Variants in TSPAN16 observed in about 807,000 individuals in gnomAD.
The protein encoded by TSPAN16 is tetraspanin-16.
TSPAN16 carries 23 observed loss-of-function variants against 25.2 expected under a neutral mutation model. The observed-to-expected ratio is 0.91, with a 90% CI of 0.66 to 1.29. The LOEUF (loss-of-function observed/expected upper bound fraction) is 1.29. TSPAN16 is among the 50% of genes most tolerant of loss of function. The probability of loss-of-function intolerance (pLI) is 0.00; values close to 1 mark genes in which losing one functional copy is unlikely to be tolerated. For missense variants in TSPAN16, 272 were observed against 299.9 expected, an observed-to-expected ratio of 0.91 and a Z score of 0.69; for synonymous variants, 123 against 124.4, an observed-to-expected ratio of 0.99 and a Z score of 0.08.
At chr19:11,322,977 TG>T (rs1184426848) in intron 6 of TSPAN16, 1 of 152,136 alleles carries the variant, frequency 6.6e-6, no homozygotes, top group Non-Finnish European at 1.5e-5. Context: ...ATGGGCGTGG[TG>T]GCAGGTGCCT....
At chr19:11,297,482 A>ATTATTTTACT (rs2080491077) in intron 1 of TSPAN16, among the ~76,000 whole-genome samples, 1 of 146,944 alleles carries the variant, frequency 6.8e-6, no homozygotes, top group African/African-American at 2.6e-5. Flanking sequence ...GTCCTATGAC[A>ATTATTTTACT]TTATTTTATT....
At chr19:11,298,020 C>G (rs2080498254) in intron 1 of TSPAN16, 122 bp from the exon 2 acceptor site, 1 of 975,616 alleles carries the variant, frequency 1.0e-6, no homozygotes, top group African/African-American at 1.6e-5. Context: ...CTCCTGGGCT[C>G]AAGTCTTGGC....
At chr19:11,325,879 G>A (rs1344265204) in intron 6 of TSPAN16, among the ~76,000 whole-genome samples, 1 of 152,148 alleles carries the variant, frequency 6.6e-6, no homozygotes, top group Non-Finnish European at 1.5e-5. Context: ...TTCAAGACCA[G>A]CCTGGGCAAC....
intron 6 of TSPAN16, chr19:11,325,488 G>C (rs894231567): frequency 1.9e-6 from 3 of 1,613,220 alleles, no homozygotes; most frequent in African/African-American, 2.7e-5. Flanking sequence ...TGGGTTCCAG[G>C]GACTCGTTCA....
intron 6 of TSPAN16, among the ~76,000 whole-genome samples, chr19:11,321,636 G>A (rs947901450): frequency 1.2e-4 from 19 of 152,272 alleles, no homozygotes; most frequent in South Asian, 4.2e-4. Flanking sequence ...CAGAGTGGCC[G>A]GAGGGGAGCA....
intron 4 of TSPAN16, among the ~76,000 whole-genome samples, chr19:11,302,785 C>G (rs1162590826): frequency 1.3e-5 from 2 of 150,908 alleles, no homozygotes. Context: ...GTAAGGGGAT[C>G]ATGGCTCACT....
At chr19:11,302,640 TAC>T (rs2080568020) in intron 4 of TSPAN16, among the ~76,000 whole-genome samples, 4 of 131,602 alleles carry the variant, frequency 3.0e-5, no homozygotes, top group African/African-American at 1.3e-4. Context: ...TATACACACA[TAC>T]ATATATATAT....
At chr19:11,304,106 C>T (rs1243858204) in intron 4 of TSPAN16, among the ~76,000 whole-genome samples, 6 of 151,624 alleles carry the variant, frequency 4.0e-5, no homozygotes, top group Non-Finnish European at 5.9e-5. Flanking sequence ...TTGATCATTG[C>T]CATCCTAATG....
downstream of TSPAN16, chr19:11,316,086 G>GTGTGTGT: frequency 7.8e-6 from 2 of 256,318 alleles, no homozygotes; most frequent in Non-Finnish European, 1.2e-5. Context: ...AATTATTCTT[G>GTGTGTGT]GTGTGTGTGT....
At chr19:11,326,778 A>AT (rs1260298132) in intron 6 of TSPAN16, 12 of 694,334 alleles carry the variant, frequency 1.7e-5, no homozygotes, top group Admixed American at 4.1e-5. Context: ...TAATTTTTCA[A>AT]TTTTTTCTTT....
At position 11,298,131 on chromosome 19, in the gene TSPAN16, C is replaced by T; in HGVS notation, c.70-11C>T. ...GATTACTTTTCTTCCTTTCTGGTTT[C>T]TGTTCTAAAGGTGTCTGGCATCATC... On this transcript the variant is annotated splice_polypyrimidine_tract_variant and intron_variant, in intron 1 of 6. Coordinates refer to ENST00000590327, the MANE Select transcript of TSPAN16 (RefSeq NM_001282509.2). The T allele has an allele frequency of 6.2e-7, 1 of 1,613,682 alleles. No individual in the cohort carries two copies. The highest frequency in any genetic ancestry group is 8.5e-7 in the Non-Finnish European group (1 of 1,179,630).
chr19:11,299,757 C>T (rs1029074065), intron 3 of TSPAN16, among the ~76,000 whole-genome samples: 5 of 151,938 alleles, frequency 3.3e-5, no homozygotes, highest in Non-Finnish European at 7.4e-5. Flanking sequence ...GGTGGATCAC[C>T]TGAGGTCAGG....
chr19:11,315,072 C>T (rs2080731779), intron 6 of TSPAN16, among the ~76,000 whole-genome samples: 1 of 150,984 alleles, frequency 6.6e-6, no homozygotes, highest in South Asian at 2.1e-4. Flanking sequence ...CCCATCTCTA[C>T]TAAAAATACA....
intron 4 of TSPAN16, 168 bp from the exon 5 acceptor site, chr19:11,306,436 A>T: frequency 3.9e-6 from 3 of 770,996 alleles, no homozygotes; most frequent in Non-Finnish European, 5.9e-6. Context: ...CCTGAGTGAG[A>T]TGGGAGCCAG....
intron 3 of TSPAN16, among the ~76,000 whole-genome samples, chr19:11,300,117 C>T (rs922296802): frequency 3.9e-5 from 6 of 152,086 alleles, no homozygotes; most frequent in African/African-American, 7.2e-5. Flanking sequence ...GGGAAGGAGG[C>T]GGCTCTCTGG....
chr19:11,308,359 C>T (rs1239524644), intron 5 of TSPAN16, among the ~76,000 whole-genome samples: 14 of 152,104 alleles, frequency 9.2e-5, no homozygotes, highest in African/African-American at 1.9e-4. Flanking sequence ...AGTGCAGTGG[C>T]GCAATCTCGA....
chr19:11,319,288 C>T (rs1365657093), downstream of TSPAN16, among the ~76,000 whole-genome samples: 3 of 152,206 alleles, frequency 2.0e-5, no homozygotes, highest in Non-Finnish European at 4.4e-5. Context: ...TTACTTACTA[C>T]TCCTGATTTA....
chr19:11,298,251 T>C lies in TSPAN16; in HGVS notation c.179T>C (p.Leu60Pro), dbSNP rs1393964347. Reference protein sequence around the residue: ...SSAYLLHVGNLCLVMGCITVL... With the variant: ...SSAYLLHVGNPCLVMGCITVL... ...GCATACCTCCTTCACGTTGGCAACC[T>C]GTGCCTGGTGATGGGATGCATCACG... is the stretch of plus-strand genomic sequence containing the variant. Residue 60 changes from leucine (L) to proline (P), a missense_variant, in exon 2 of 7, where the codon CTG becomes CCG. By Grantham distance (98) the Leu-to-Pro change is moderately conservative (BLOSUM62 -3). Transcript: ENST00000590327. 6.2e-7 allele frequency: 1 copy of C among 1,614,200 alleles called. No homozygotes were observed. Among genetic ancestry groups the C allele is most frequent in the African/African-American group, 1.3e-5 (1 of 75,068 alleles).
chr19:11,300,923 C>T lies in TSPAN16; in HGVS notation c.343-278C>T, dbSNP rs2080538654. ...CATCGTGGGTGCAGCAGGGTGTAGG[C>T]GATTCCAAAGAGCAGATGATTCAAA... On this transcript the variant is annotated intron_variant, in intron 3 of 6. Coordinates refer to ENST00000590327, the MANE Select transcript of TSPAN16 (RefSeq NM_001282509.2). 12 of 310,534 alleles carry T rather than the reference C, an allele frequency of 3.9e-5. 1 individual carries two copies. The South Asian group carries it at 7.4e-4, about 19-fold the overall frequency. 19.2% of individuals were successfully genotyped at this position (310,534 alleles called of 1,614,324 possible). A position where few individuals can be genotyped will look rare whatever the true frequency, so the allele number is the denominator to read the frequency against.
Sources: allele counts gnomAD v4.1 joint callset (sites outside exome capture counted in the v4.1 genomes callset), GRCh38; gene constraint gnomAD v4.1.1; transcripts MANE v1.5; gene names NCBI Gene and HGNC (gene_info 2026-07-23, HGNC 2026-07-21).